The following DYNAP variants were observed in gnomAD, a reference collection of about 807,000 sequenced individuals.
DYNAP encodes dynactin associated protein, also known as dynactin-associated protein.
A neutral mutation model predicts 8.5 loss-of-function variants in DYNAP; 7 were observed. The ratio of observed to expected loss-of-function variants is 0.82; its 90% CI spans 0.47 to 1.54. The LOEUF (loss-of-function observed/expected upper bound fraction) is 1.54. Ranked by LOEUF, DYNAP falls within the 40% of genes most tolerant of loss-of-function variation. The pLI, the probability that DYNAP is intolerant of heterozygous loss-of-function variation, is 0.01. For missense variants in DYNAP, 256 were observed against 224.3 expected, an observed-to-expected ratio of 1.14 and a Z score of -0.90; for synonymous variants, 77 against 77.9, an observed-to-expected ratio of 0.99 and a Z score of 0.06.
upstream of DYNAP, among the ~76,000 whole-genome samples, chr18:54,586,405 T>C (rs940413293): frequency 1.3e-5 from 2 of 151,992 alleles, no homozygotes; most frequent in Admixed American, 6.6e-5. Flanking sequence ...ACCCTGGGAG[T>C]TGCTAAATTC....
At chr18:54,576,692 A>G in the DYNAP span, among the ~76,000 whole-genome samples, 3 of 151,782 alleles carry the variant, frequency 2.0e-5, no homozygotes, top group African/African-American at 7.3e-5. Context: ...GGTGTCAGCT[A>G]TTCGGGAGGC....
At chr18:54,594,886 C>T in intron 1 of DYNAP, 53 bp from the exon 2 acceptor site, 1 of 1,546,638 alleles carries the variant, frequency 6.5e-7, no homozygotes. Context: ...ATTTTAGCAA[C>T]TCAACACCAT....
chr18:54,580,639 T>G, the DYNAP span, among the ~76,000 whole-genome samples: 12,502 of 152,246 alleles, frequency 0.082, 843 homozygotes, highest in African/African-American at 0.18. Flanking sequence ...TTAAGTACTT[T>G]GATTAAGTTA....
chr18:54,586,699 T>A (rs1657398730), upstream of DYNAP, among the ~76,000 whole-genome samples: 1 of 152,158 alleles, frequency 6.6e-6, no homozygotes, highest in African/African-American at 2.4e-5. Context: ...AATGGTTATC[T>A]TGAGAGCCAC....
chr18:54,593,815 A>G (rs1911177976), intron 1 of DYNAP, among the ~76,000 whole-genome samples: 1 of 152,070 alleles, frequency 6.6e-6, no homozygotes. Context: ...GCCTATAGTC[A>G]TTGGCTACTC....
upstream of DYNAP, among the ~76,000 whole-genome samples, chr18:54,585,918 C>A (rs1910861728): frequency 6.6e-6 from 1 of 152,166 alleles, no homozygotes; most frequent in Admixed American, 6.5e-5. Flanking sequence ...TTGGTTTGCA[C>A]TGCCCACTGT....
At chr18:54,577,735 C>T in the DYNAP span, among the ~76,000 whole-genome samples, 2 of 151,196 alleles carry the variant, frequency 1.3e-5, no homozygotes, top group African/African-American at 4.9e-5. Flanking sequence ...TTTGGGAGGC[C>T]GAGGCGGGCA....
chr18:54,579,801 G>A, the DYNAP span, among the ~76,000 whole-genome samples: 1 of 152,192 alleles, frequency 6.6e-6, no homozygotes, highest in Admixed American at 6.5e-5. Context: ...TTATTTGAAA[G>A]CACTCCAGTT....
chr18:54,576,253 T>A, the DYNAP span, among the ~76,000 whole-genome samples: 471 of 152,284 alleles, frequency 3.1e-3, 4 homozygotes, highest in East Asian at 0.042. Context: ...CTCTTGGGGA[T>A]ATATCTAGGA....
At chr18:54,590,098 C>A (rs1174364413), upstream of DYNAP, among the ~76,000 whole-genome samples, 1 of 152,050 alleles carries the variant, frequency 6.6e-6, no homozygotes, top group Non-Finnish European at 1.5e-5. Context: ...CCATCACTGC[C>A]ACCCATTTCC....
upstream of DYNAP, chr18:54,587,812 G>T: frequency 2.5e-6 from 1 of 400,548 alleles, no homozygotes; most frequent in South Asian, 1.3e-4. Context: ...GGATCTATAG[G>T]AGAAAGAACT....
At chr18:54,595,211 T>C in intron 2 of DYNAP, 108 bp downstream of exon 2, 2 of 1,265,660 alleles carry the variant, frequency 1.6e-6, no homozygotes, top group South Asian at 3.6e-5. Flanking sequence ...AATTCATTTA[T>C]ATTTGTATTA....
upstream of DYNAP, among the ~76,000 whole-genome samples, chr18:54,589,792 A>G (rs138161115): frequency 0.012 from 1,772 of 152,240 alleles, 30 homozygotes; most frequent in African/African-American, 0.04. Flanking sequence ...TATTTTAAAA[A>G]TATACAATTA....
upstream of DYNAP, among the ~76,000 whole-genome samples, chr18:54,587,553 A>G (rs533298406): frequency 5.3e-5 from 8 of 152,274 alleles, no homozygotes; most frequent in African/African-American, 1.9e-4. Flanking sequence ...ATTTTTTGTA[A>G]TTGAACATAT....
rs1911061230 is a variant in DYNAP at position 54,591,254 on chromosome 18, G to T, written c.-29G>T. The T allele has an allele frequency of 6.2e-7, 1 of 1,612,542 alleles. No homozygotes were observed. Among genetic ancestry groups the T allele is most frequent in the Non-Finnish European group, 8.5e-7 (1 of 1,179,136 alleles). ...GAACAAATTGAAAAATATTCTTGGA[G>T]AGAAGCTTGTGATACTGGCAGCTCA... is the stretch of plus-strand genomic sequence containing the variant. On this transcript the variant is annotated 5_prime_UTR_variant, in exon 1 of 3. Transcript: ENST00000648945.
chr18:54,589,927 C>A (rs1272643339), upstream of DYNAP, among the ~76,000 whole-genome samples: 4 of 151,944 alleles, frequency 2.6e-5, no homozygotes, highest in Non-Finnish European at 5.9e-5. Context: ...TCCCTTGTAC[C>A]CCATGGCTGT....
In DYNAP at chr18:54,598,539, T is replaced by G; in HGVS notation, c.*394T>G. The stretch of plus-strand genomic sequence containing the variant: ...GCTCTGATTTTTCATCTTGCCCAAA[T>G]TCCTTTCTAAGGGGTATGGGGAGTC... On this transcript the variant is annotated 3_prime_UTR_variant, in exon 3 of 3. Transcript: ENST00000648945. The G allele has an allele frequency of 5.6e-6, 1 of 178,118 alleles. No homozygotes were observed. Among genetic ancestry groups the G allele is most frequent in the Non-Finnish European group, 1.2e-5 (1 of 83,270 alleles). 11.0% of individuals were successfully genotyped at this position (178,118 alleles called of 1,614,324 possible). A position where few individuals can be genotyped will look rare whatever the true frequency, so the allele number is the denominator to read the frequency against.
At chr18:54,584,652 G>A (rs1307664148), upstream of DYNAP, among the ~76,000 whole-genome samples, 1 of 152,212 alleles carries the variant, frequency 6.6e-6, no homozygotes, top group Non-Finnish European at 1.5e-5. Context: ...ACCAATTAAG[G>A]AGAGTTGTGA....
chr18:54,597,802 T>A lies in DYNAP; in HGVS notation c.223-11T>A, dbSNP rs759214109. The A allele has an allele frequency of 2.5e-6, 4 of 1,585,992 alleles. No individual in the cohort carries two copies. In the Admixed American group the frequency reaches 7.0e-5, roughly 28 times the overall value. Reference sequence around the variant, plus strand: ...GTTTTTCATTGCTGATATTTTTATATACATGCTTAGGTAAAAGAATATTGC... The same window carrying A: ...GTTTTTCATTGCTGATATTTTTATAAACATGCTTAGGTAAAAGAATATTGC... On this transcript the variant is annotated splice_polypyrimidine_tract_variant and intron_variant, in intron 2 of 2. Coordinates refer to ENST00000648945, the MANE Select transcript of DYNAP (RefSeq NM_173629.3).
Sources: allele counts gnomAD v4.1 joint callset (sites outside exome capture counted in the v4.1 genomes callset), GRCh38; gene constraint gnomAD v4.1.1; transcripts MANE v1.5; gene names NCBI Gene and HGNC (gene_info 2026-07-23, HGNC 2026-07-21).